ASIC1: variants seen among roughly 807,000 people sequenced by gnomAD.
ASIC1 encodes acid-sensing ion channel 1.
ASIC1 carries 21 observed loss-of-function variants against 63.4 expected under a neutral mutation model. The observed-to-expected ratio is 0.33, with a 90% CI of 0.23 to 0.48. The LOEUF (loss-of-function observed/expected upper bound fraction) is 0.48. ASIC1 is among the 20% of genes least tolerant of loss of function. The probability of loss-of-function intolerance (pLI) is 0.99; values close to 1 mark genes in which losing one functional copy is unlikely to be tolerated. For missense variants in ASIC1, 478 were observed against 695.5 expected (o/e 0.69, Z 3.52); for synonymous variants, 258 against 278.2 (o/e 0.93, Z 0.72).
chr12:50,057,925 C>G lies in ASIC1; in HGVS notation c.-17+9C>G, dbSNP rs1950460813. Reference sequence around the variant, plus strand: ...TGCCGAAGCCCCCTCAGGTGGGTTTCCGATACCCCTGCCTTTGGCCGCGAG... The same window carrying G: ...TGCCGAAGCCCCCTCAGGTGGGTTTGCGATACCCCTGCCTTTGGCCGCGAG... On this transcript the variant is annotated intron_variant, in intron 1 of 11. Transcript: ENST00000447966. This position sits in a 1 kb window ranked among gnomAD's most constrained non-coding sequence, Gnocchi z 4.7. The G allele has an allele frequency of 6.6e-6, 1 of 152,056 alleles. No individual in the cohort carries two copies. 9.4% of individuals were successfully genotyped at this position (152,056 alleles called of 1,614,324 possible).
chr12:50,081,303 A>C lies in ASIC1; in HGVS notation c.1421A>C (p.Glu474Ala). The change falls in exon 11 of 12, where the codon GAG (glutamate) becomes GCG (alanine). Residue 474 changes from glutamate to alanine, a missense_variant. Coordinates refer to ENST00000447966, the MANE Select transcript of ASIC1 (RefSeq NM_001095.4). ...TGCCGACGAGGAAAATGCCAGAAGGAGGCCAAAAGGAGCAGTGCGGACAAG... is the reference window on the plus strand; with the variant it reads ...TGCCGACGAGGAAAATGCCAGAAGGCGGCCAAAAGGAGCAGTGCGGACAAG... ...KLCRRGKCQK[E>A]AKRSSADKGV... The C allele has an allele frequency of 6.2e-7, 1 of 1,611,048 alleles. No individual in the cohort carries two copies. Among genetic ancestry groups the C allele is most frequent in the Non-Finnish European group, 8.5e-7 (1 of 1,178,686 alleles).
chr12:50,068,756 C>T (rs1414283657), intron 3 of ASIC1, among the ~76,000 whole-genome samples: 2 of 151,824 alleles, frequency 1.3e-5, no homozygotes, highest in East Asian at 3.9e-4. Context: ...TCATGCAAAC[C>T]AGAAATCATC....
chr12:50,079,618 G>A (rs1230206208), intron 7 of ASIC1, among the ~76,000 whole-genome samples: 1 of 152,174 alleles, frequency 6.6e-6, no homozygotes, highest in Non-Finnish European at 1.5e-5. Flanking sequence ...GGTAGACACA[G>A]CTGTGAGGGG....
chr12:50,074,381 C>T lies in ASIC1; in HGVS notation c.559-2832C>T, dbSNP rs1443075484. 1.0e-5 allele frequency: 14 copies of T among 1,375,862 alleles called. No homozygotes were observed. The highest frequency in any genetic ancestry group is 1.2e-5 in the Non-Finnish European group (13 of 1,060,802). The allele number at this position is 1,375,862 out of a possible 1,614,324, so 85.2% of individuals were successfully genotyped here. A position where few individuals can be genotyped will look rare whatever the true frequency, so the allele number is the denominator to read the frequency against. On this transcript the variant is annotated intron_variant, in intron 3 of 11. Coordinates refer to ENST00000447966, the MANE Select transcript of ASIC1 (RefSeq NM_001095.4). The surrounding 1 kb of genome is among the most constrained non-coding windows in gnomAD (Gnocchi z 4.2). ...GCTGCCCCCTACCTCATCTGGCTGACACAGGCCAGAGCTCACCCAGGAGTC... is the reference window on the plus strand; with the variant it reads ...GCTGCCCCCTACCTCATCTGGCTGATACAGGCCAGAGCTCACCCAGGAGTC...
At position 50,057,624 on chromosome 12, in the gene ASIC1, G is replaced by T. The variant is rs1325899409; in HGVS notation, c.-309G>T. On this transcript the variant is annotated 5_prime_UTR_variant, in exon 1 of 12. Transcript: ENST00000447966. The surrounding 1 kb of genome is among the most constrained non-coding windows in gnomAD (Gnocchi z 4.7). The stretch of plus-strand genomic sequence containing the variant: ...CCTCCCCTCCCGCCGCCTCCCGGCC[G>T]GACGATGGATCCCTGCAGATCCCAG... 6.6e-6 allele frequency: 1 copy of T among 152,000 alleles called. No individual in the cohort carries two copies. Among genetic ancestry groups the T allele is most frequent in the Non-Finnish European group, 1.5e-5 (1 of 68,012 alleles). The allele number at this position is 152,000 out of a possible 1,614,324, so 9.4% of individuals were successfully genotyped here. A position where few individuals can be genotyped will look rare whatever the true frequency, so the allele number is the denominator to read the frequency against.
In ASIC1 at chr12:50,078,396, C is replaced by A; in HGVS notation, c.838-25C>A. ...ATTTGGGGAGAAGTCCCCGCACTCC[C>A]CCAGCTCCCCGGCTCTCCCAGCAGC... On this transcript the variant is annotated intron_variant, in intron 5 of 11. Transcript: ENST00000447966. This position sits in a 1 kb window ranked among gnomAD's most constrained non-coding sequence, Gnocchi z 6.0. 6.2e-7 allele frequency: 1 copy of A among 1,613,048 alleles called. No homozygotes were observed. The highest frequency in any genetic ancestry group is 1.1e-5 in the South Asian group (1 of 90,988).
At chr12:50,060,237 A>G (rs1950488946) in intron 3 of ASIC1, among the ~76,000 whole-genome samples, 1 of 152,206 alleles carries the variant, frequency 6.6e-6, no homozygotes, top group African/African-American at 2.4e-5. Context: ...TGGCATAGCC[A>G]CAAACCCACC....
rs183334645 is a variant in ASIC1, at chr12:50,059,345, C to T, written c.362+217C>T. 3.0e-4 allele frequency among the ~76,000 whole-genome samples: 45 copies of T among 152,284 alleles called. No individual in the cohort carries two copies. In the East Asian group the frequency reaches 3.3e-3, roughly 11 times the overall value. ...GATCCCAGCATAGTCCAGAACAGCTCGACCCCCACCCAGCCTGAGGTATGA... is the reference window on the plus strand; with the variant it reads ...GATCCCAGCATAGTCCAGAACAGCTTGACCCCCACCCAGCCTGAGGTATGA... On this transcript the variant is annotated intron_variant, in intron 2 of 11. Transcript: ENST00000447966. This position sits in a 1 kb window ranked among gnomAD's most constrained non-coding sequence, Gnocchi z 4.6.
rs767266446 is a variant in ASIC1, at chr12:50,081,145, C to T, written c.1341C>T (p.Ile447=). Residue 447 remains isoleucine (I), a synonymous_variant, in exon 10 of 12, where the codon ATC becomes ATT. Transcript: ENST00000447966. ...TGGGGCTGTTCATCGGGGCCAGCAT[C>T]CTCACGGTGCTGGAGCTCTTTGACT... The part of the protein sequence containing the change: ...GQMGLFIGAS[I]LTVLELFDYA... 1.9e-6 allele frequency: 3 copies of T among 1,612,450 alleles called. No individual in the cohort carries two copies. Among genetic ancestry groups the T allele is most frequent in the African/African-American group, 2.7e-5 (2 of 75,062 alleles).
intron 4 of ASIC1, among the ~76,000 whole-genome samples, chr12:50,077,695 A>C (rs962381227): frequency 1.3e-5 from 2 of 152,010 alleles, no homozygotes; most frequent in Non-Finnish European, 2.9e-5. Flanking sequence ...AAAGGGAAAA[A>C]GGGAGTGGGA....
chr12:50,069,844 C>T (rs1950581923), intron 3 of ASIC1, among the ~76,000 whole-genome samples: 1 of 152,152 alleles, frequency 6.6e-6, no homozygotes, highest in Non-Finnish European at 1.5e-5. Flanking sequence ...TGAGTAAATG[C>T]AAGAATGAAG....
At chr12:50,075,466 T>C (rs781469313) in intron 3 of ASIC1, among the ~76,000 whole-genome samples, 4 of 152,212 alleles carry the variant, frequency 2.6e-5, no homozygotes, top group African/African-American at 7.2e-5. Flanking sequence ...GGATGGAGTG[T>C]AGGCATGGGC....
At chr12:50,064,909 GC>G (rs1194482724) in intron 3 of ASIC1, among the ~76,000 whole-genome samples, 1 of 152,194 alleles carries the variant, frequency 6.6e-6, no homozygotes, top group Admixed American at 6.5e-5. Flanking sequence ...CTGCGCTGGG[GC>G]AGTTAAGTGC....
At position 50,077,375 on chromosome 12, in the gene ASIC1, AC is replaced by A; in HGVS notation, c.709+13del. 6.2e-7 allele frequency: 1 copy of A among 1,613,982 alleles called. No individual in the cohort carries two copies. Among genetic ancestry groups the A allele is most frequent in the Non-Finnish European group, 8.5e-7 (1 of 1,179,944 alleles). On this transcript the variant is annotated intron_variant, in intron 4 of 11. Transcript: ENST00000447966. ...GTGGGGGGAGACTGGTACGTCACCC[AC>A]TTCAGGGGCCCCTCTGCATGGCTCT...
chr12:50,081,412 G>A (rs373568825), intron 11 of ASIC1, 48 bp downstream of exon 11: 7 of 1,353,914 alleles, frequency 5.2e-6, no homozygotes, highest in African/African-American at 4.5e-5. Flanking sequence ...TGCCTCCACC[G>A]CCCCAGGAAC....
chr12:50,079,345 T>G (rs1297754061), intron 7 of ASIC1, among the ~76,000 whole-genome samples: 1 of 151,876 alleles, frequency 6.6e-6, no homozygotes, highest in Non-Finnish European at 1.5e-5. Flanking sequence ...ACCGGGGAGG[T>G]GAGGTTGCAG....
intron 7 of ASIC1, 104 bp downstream of exon 7, chr12:50,079,084 G>A (rs1212161370): frequency 8.7e-7 from 1 of 1,144,148 alleles, no homozygotes; most frequent in African/African-American, 1.5e-5. Flanking sequence ...CATAACTCCT[G>A]GACTGGGCTG....
intron 3 of ASIC1, among the ~76,000 whole-genome samples, chr12:50,069,782 C>G (rs527898720): frequency 6.6e-6 from 1 of 151,596 alleles, no homozygotes; most frequent in East Asian, 1.9e-4. Flanking sequence ...CTTCCCTGTT[C>G]GACAGTAAGC....
Position 50,081,559 on chromosome 12 carries a change from C to A in ASIC1, c.1497C>A (p.Ser499Arg), listed in dbSNP as rs1446510216. 6.2e-7 allele frequency: 1 copy of A among 1,613,990 alleles called. No homozygotes were observed. The highest frequency in any genetic ancestry group is 1.3e-5 in the African/African-American group (1 of 74,906). ...CCTTCCCCCAGAACCCGTGCGAGAGCCTTCGGGGCCACCCTGCCGGGATGA... is the reference window on the plus strand; with the variant it reads ...CCTTCCCCCAGAACCCGTGCGAGAGACTTCGGGGCCACCCTGCCGGGATGA... ...DDVKRHNPCE[S>R]LRGHPAGMTY... is the part of the protein sequence containing the mutation. The change falls in exon 12 of 12, where the codon AGC becomes AGA. Residue 499 changes from serine (S) to arginine (R), a missense_variant. Coordinates refer to ENST00000447966, the MANE Select transcript of ASIC1 (RefSeq NM_001095.4).
Sources: allele counts gnomAD v4.1 joint callset (sites outside exome capture counted in the v4.1 genomes callset), GRCh38; gene constraint gnomAD v4.1.1; non-coding constraint Gnocchi (gnomAD v3.1); transcripts MANE v1.5; gene names NCBI Gene and HGNC (gene_info 2026-07-23, HGNC 2026-07-21).